The following VPS16 variants were observed in gnomAD, a reference collection of about 807,000 sequenced individuals.
VPS16 encodes the protein VPS16 core subunit of CORVET and HOPS complexes.
In VPS16, 82 loss-of-function variants were observed where a neutral mutation model predicts 116.0. The observed-to-expected ratio is 0.71, with a 90% CI of 0.59 to 0.85. The LOEUF is 0.85. VPS16 is among the 40% of genes least tolerant of loss of function. The pLI, the probability that VPS16 is intolerant of heterozygous loss-of-function variation, is 0.00. For missense variants in VPS16, 928 were observed against 1,090.6 expected, an observed-to-expected ratio of 0.85 and a Z score of 2.10; for synonymous variants, 406 against 420.7, an observed-to-expected ratio of 0.96 and a Z score of 0.43.
At position 2,849,419 on chromosome 20, in the gene VPS16, G is replaced by T. The variant is rs1192458179; in HGVS notation, c.53+8592G>T. ...GGGTTCAAGCGATTCTTTTGTGTCA[G>T]CCTCCTGAGTAGCTGGGATTACAGG... On this transcript the variant is annotated intron_variant, in intron 1 of 23. Transcript: ENST00000380445. 2.0e-5 allele frequency among the ~76,000 whole-genome samples: 3 copies of T among 151,214 alleles called. No homozygotes were observed. In the Admixed American group the frequency reaches 2.0e-4, roughly 10 times the overall value.
intron 1 of VPS16, among the ~76,000 whole-genome samples, chr20:2,845,398 G>A (rs1425588050): frequency 1.3e-5 from 2 of 151,898 alleles, no homozygotes; most frequent in African/African-American, 4.8e-5. Context: ...AGCATCTTAT[G>A]GTAAAAGAAA....
intron 1 of VPS16, among the ~76,000 whole-genome samples, chr20:2,854,720 C>T (rs1057052373): frequency 6.0e-5 from 9 of 148,924 alleles, no homozygotes; most frequent in Non-Finnish European, 1.0e-4. Context: ...TGCTTGAACC[C>T]GGGAGGTGGA....
chr20:2,859,990 G>A, intron 2 of VPS16, 64 bp from the exon 3 acceptor site: 1 of 1,598,144 alleles, frequency 6.3e-7, no homozygotes, highest in South Asian at 1.1e-5. Flanking sequence ...GCCAGGATGT[G>A]AGGCCTGCTT....
chr20:2,853,518 TG>T (rs1417206957), intron 1 of VPS16, among the ~76,000 whole-genome samples: 1 of 152,238 alleles, frequency 6.6e-6, no homozygotes, highest in African/African-American at 2.4e-5. Context: ...CTTCTAATTC[TG>T]ATTCTCTTGC....
At position 2,865,421 on chromosome 20, in the gene VPS16, G is replaced by A. The variant is rs529582383; in HGVS notation, c.2197G>A (p.Ala733Thr). ...DKRLWWLKLT[A>T]LADLEDWEEL... Reference sequence around the variant, plus strand: ...CAGGCTCTGGTGGCTGAAGCTGACTGCCCTGGCAGATTTGGAAGATTGGGA... The same window carrying A: ...CAGGCTCTGGTGGCTGAAGCTGACTACCCTGGCAGATTTGGAAGATTGGGA... The change falls in exon 22 of 24, where the codon GCC becomes ACC. Residue 733 changes from alanine to threonine, a missense_variant. Transcript: ENST00000380445. This position sits in a 1 kb window ranked among gnomAD's most constrained non-coding sequence, Gnocchi z 5.2. The A allele has an allele frequency of 4.2e-5, 68 of 1,614,188 alleles. No homozygotes were observed. In the Middle Eastern group the frequency reaches 6.6e-4, roughly 16 times the overall value.
At chr20:2,842,644 A>ATC (rs2088993152) in intron 1 of VPS16, among the ~76,000 whole-genome samples, 1 of 139,792 alleles carries the variant, frequency 7.2e-6, no homozygotes, top group Non-Finnish European at 1.5e-5. Flanking sequence ...CTATAGATAG[A>ATC]TAGATATAGA....
Position 2,865,381 on chromosome 20 carries a change from A to G in VPS16, c.2175-18A>G. The G allele has an allele frequency of 6.2e-7, 1 of 1,614,042 alleles. No homozygotes were observed. The highest frequency in any genetic ancestry group is 8.5e-7 in the Non-Finnish European group (1 of 1,179,932). Reference sequence around the variant, plus strand: ...ACCTGCCTCTCCTGCAACACCTCCAAGCCCAGCTTTCCTGCAGGCTCTGGT... The same window carrying G: ...ACCTGCCTCTCCTGCAACACCTCCAGGCCCAGCTTTCCTGCAGGCTCTGGT... On this transcript the variant is annotated intron_variant, in intron 21 of 23. Transcript: ENST00000380445. This position sits in a 1 kb window ranked among gnomAD's most constrained non-coding sequence, Gnocchi z 5.2.
chr20:2,844,650 C>A (rs750135806), intron 1 of VPS16, among the ~76,000 whole-genome samples: 1 of 152,074 alleles, frequency 6.6e-6, no homozygotes, highest in Non-Finnish European at 1.5e-5. Context: ...AGCAAATAAC[C>A]TAAGAGAACA....
At chr20:2,856,225 C>T (rs2089170556) in intron 1 of VPS16, among the ~76,000 whole-genome samples, 3 of 152,112 alleles carry the variant, frequency 2.0e-5, no homozygotes, top group African/African-American at 4.8e-5. Context: ...GATCGGGGAA[C>T]GGCTCGTTGG....
At chr20:2,857,160 A>G (rs977783042) in intron 1 of VPS16, among the ~76,000 whole-genome samples, 1 of 152,040 alleles carries the variant, frequency 6.6e-6, no homozygotes, top group African/African-American at 2.4e-5. Flanking sequence ...TATTTTTAGT[A>G]GAGATGGGGT....
In VPS16 at chr20:2,840,804, A is replaced by C. The variant is rs1217794749; in HGVS notation, c.30A>C (p.Pro10=). 1.6e-5 allele frequency: 25 copies of C among 1,547,880 alleles called. No individual in the cohort carries two copies. The highest frequency in any genetic ancestry group is 2.2e-5 in the Non-Finnish European group (25 of 1,146,530). ...ACTGCTACACGGCGAACTGGAACCC[A>C]CTCGGGGACTCTGCCTTTTACCGGT... MDCYTANWN[P]LGDSAFYRKY... Residue 10 remains proline (P), a synonymous_variant, in exon 1 of 24, where the codon CCA becomes CCC. Transcript: ENST00000380445.
At position 2,866,681 on chromosome 20, in the gene VPS16, CG is replaced by C. The variant is rs2146689888; in HGVS notation, c.*112del. 1.3e-6 allele frequency: 2 copies of C among 1,504,018 alleles called. No individual in the cohort carries two copies. The highest frequency in any genetic ancestry group is 2.5e-5 in the South Asian group (2 of 78,562). 93.2% of individuals were successfully genotyped at this position (1,504,018 alleles called of 1,614,324 possible). A position where few individuals can be genotyped will look rare whatever the true frequency, so the allele number is the denominator to read the frequency against. On this transcript the variant is annotated 3_prime_UTR_variant, in exon 24 of 24. Transcript: ENST00000380445. ...CCTCCCCTAGAGCAATGCTGAGGAG[CG>C]GGGGCATGGTAGCAGGGCTGTCTGG...
Position 2,862,099 on chromosome 20 carries a change from C to T in VPS16, c.1040C>T (p.Ala347Val), listed in dbSNP as rs773658967. 6.2e-6 allele frequency: 10 copies of T among 1,613,738 alleles called. No homozygotes were observed. Among genetic ancestry groups the T allele is most frequent in the Non-Finnish European group, 7.6e-6 (9 of 1,179,942 alleles). ...IFKIASMAPG[A>V]LLLEAQKEYE... Reference sequence around the variant, plus strand: ...AAAATTGCCTCAATGGCCCCCGGGGCGCTGCTCCTGGAGGCTCAGAAGGAG... The same window carrying T: ...AAAATTGCCTCAATGGCCCCCGGGGTGCTGCTCCTGGAGGCTCAGAAGGAG... Residue 347 changes from alanine (A) to valine (V), a missense_variant, in exon 11 of 24, where the codon GCG (alanine) becomes GTG (valine). By Grantham distance (64) the Ala-to-Val change is moderately conservative. Coordinates refer to ENST00000380445, the MANE Select transcript of VPS16 (RefSeq NM_022575.4).
chr20:2,852,488 A>G (rs2089132091), intron 1 of VPS16, among the ~76,000 whole-genome samples: 1 of 152,130 alleles, frequency 6.6e-6, no homozygotes. Flanking sequence ...TTAGTTATAG[A>G]ATGTCAAAAG....
Position 2,865,177 on chromosome 20 carries a change from G to T in VPS16, c.2034G>T (p.Arg678=), listed in dbSNP as rs553004923. 1.9e-6 allele frequency: 3 copies of T among 1,614,154 alleles called. No homozygotes were observed. The highest frequency in any genetic ancestry group is 2.7e-5 in the African/African-American group (2 of 75,036). The change falls in exon 21 of 24, where the codon CGG becomes CGT. Residue 678 remains arginine, a synonymous_variant. Transcript: ENST00000380445. This position sits in a 1 kb window ranked among gnomAD's most constrained non-coding sequence, Gnocchi z 5.2. ...KATEDQMRLL[R]LQRRLEDELG... The stretch of plus-strand genomic sequence containing the variant: ...CAGAGGATCAAATGCGGCTCCTACG[G>T]CTGCAGCGGCGCCTAGAAGACGAGC...
intron 1 of VPS16, among the ~76,000 whole-genome samples, chr20:2,851,355 T>G (rs564884957): frequency 6.6e-6 from 1 of 152,262 alleles, no homozygotes; most frequent in African/African-American, 2.4e-5. Flanking sequence ...ACGCCTGTAA[T>G]CCTAACACTT....
rs1295328245 is a variant in VPS16, at chr20:2,864,636, C to T, written c.1908C>T (p.Ala636=). The change falls in exon 19 of 24, where the codon GCC becomes GCT. Residue 636 remains alanine, a synonymous_variant. Transcript: ENST00000380445. The surrounding 1 kb of genome is among the most constrained non-coding windows in gnomAD (Gnocchi z 5.2). ...HQELGSFHIR[A]SYAAEERIEG... Reference sequence around the variant, plus strand: ...AATTGGGCAGCTTCCACATCCGAGCCAGCTATGCTGCAGAAGAGGTCTGAG... The same window carrying T: ...AATTGGGCAGCTTCCACATCCGAGCTAGCTATGCTGCAGAAGAGGTCTGAG... 1.9e-6 allele frequency: 3 copies of T among 1,613,968 alleles called. No individual in the cohort carries two copies. The East Asian group carries it at 6.7e-5, about 36-fold the overall frequency.
At position 2,863,155 on chromosome 20, in the gene VPS16, G is replaced by A. The variant is rs6132981; in HGVS notation, c.1367+55G>A. On this transcript the variant is annotated intron_variant, in intron 14 of 23. Coordinates refer to ENST00000380445, the MANE Select transcript of VPS16 (RefSeq NM_022575.4). This position sits in a 1 kb window ranked among gnomAD's most constrained non-coding sequence, Gnocchi z 4.4. ...GGCTGTCAGGGGGGTGGGCATTACA[G>A]CCTTGGGTGGGGTCTTATGGTCACT... is the stretch of plus-strand genomic sequence containing the variant. The A allele has an allele frequency of 0.01, 16,892 of 1,613,362 alleles. 822 individuals carry two copies. The Admixed American group carries it at 0.13, about 13-fold the overall frequency.
intron 1 of VPS16, among the ~76,000 whole-genome samples, chr20:2,851,622 A>G (rs1220818496): frequency 1.3e-5 from 2 of 150,872 alleles, no homozygotes; most frequent in South Asian, 2.1e-4. Flanking sequence ...GTATTGCTCC[A>G]TTGCACTCCA....
Sources: allele counts gnomAD v4.1 joint callset (sites outside exome capture counted in the v4.1 genomes callset), GRCh38; gene constraint gnomAD v4.1.1; non-coding constraint Gnocchi (gnomAD v3.1); transcripts MANE v1.5; gene names NCBI Gene and HGNC (gene_info 2026-07-23, HGNC 2026-07-21).